CEP95: variants seen among roughly 807,000 people sequenced by gnomAD.
CEP95 encodes the protein centrosomal protein 95.
Under a neutral mutation model 111.2 loss-of-function variants are expected in CEP95, and 98 were observed. The ratio of observed to expected loss-of-function variants is 0.88; its 90% confidence interval spans 0.75 to 1.04. The LOEUF (loss-of-function observed/expected upper bound fraction) is 1.04. Among genes scored for constraint, CEP95 ranks in the 50% least tolerant of loss-of-function variants. The pLI is 0.00. For synonymous variants in CEP95, 323 were observed against 327.1 expected, an observed-to-expected ratio of 0.99 and a Z score of 0.14; for missense variants, 1,027 against 977.2, an observed-to-expected ratio of 1.05 and a Z score of -0.68.
intron 16 of CEP95, chr17:64,533,950 G>A (rs1206295792): frequency 6.6e-6 from 1 of 152,288 alleles, no homozygotes; most frequent in Admixed American, 6.5e-5. Flanking sequence ...ATTGTGCTTA[G>A]AGAATTACGA....
At chr17:64,527,907 C>CAT (rs1261294159) in intron 11 of CEP95, among the ~76,000 whole-genome samples, 1 of 149,600 alleles carries the variant, frequency 6.7e-6, no homozygotes, top group African/African-American at 2.5e-5. Context: ...CACACACACA[C>CAT]GCGTGTAGCA....
chr17:64,510,161 T>TCC lies in CEP95; in HGVS notation c.149-12_149-11insCC, dbSNP rs200350277. Reference sequence around the variant, plus strand: ...CATGGATACAAAATTATGTGATTTTTTCCCCCCCCAGACCTCATAGTTATT... The same window carrying TCC: ...CATGGATACAAAATTATGTGATTTTTCCTCCCCCCCCAGACCTCATAGTTATT... On this transcript the variant is annotated splice_polypyrimidine_tract_variant and intron_variant, in intron 2 of 19. Coordinates refer to ENST00000556440, the MANE Select transcript of CEP95 (RefSeq NM_138363.3). The TCC allele has an allele frequency of 1.3e-6, 2 of 1,524,780 alleles. No individual in the cohort carries two copies. Among genetic ancestry groups the TCC allele is most frequent in the African/African-American group, 2.8e-5 (2 of 71,664 alleles). The allele number at this position is 1,524,780 out of a possible 1,614,324, so 94.5% of individuals were successfully genotyped here.
chr17:64,522,478 C>CT (rs1418661544), intron 7 of CEP95, among the ~76,000 whole-genome samples: 3 of 151,106 alleles, frequency 2.0e-5, no homozygotes, highest in Non-Finnish European at 4.4e-5. Flanking sequence ...CTCATCTCTA[C>CT]TTTTTTTAAA....
At chr17:64,507,697 T>C in intron 1 of CEP95, 1 of 986,144 alleles carries the variant, frequency 1.0e-6, no homozygotes, top group Non-Finnish European at 1.2e-6. Context: ...CCAGTTGTCA[T>C]GGTTTGGCCA....
chr17:64,515,526 G>C (rs2039095489), intron 4 of CEP95, among the ~76,000 whole-genome samples: 1 of 152,196 alleles, frequency 6.6e-6, no homozygotes, highest in Admixed American at 6.5e-5. Context: ...TGATATGGCA[G>C]TGGGGATGAA....
At chr17:64,521,158 AC>A (rs1431338669) in intron 6 of CEP95, among the ~76,000 whole-genome samples, 3 of 152,072 alleles carry the variant, frequency 2.0e-5, no homozygotes, top group Non-Finnish European at 4.4e-5. Flanking sequence ...AATTGCTTGA[AC>A]CTGGAAGGTG....
chr17:64,533,142 A>C lies in CEP95; in HGVS notation c.1868A>C (p.Asp623Ala). 2 of 1,602,108 alleles carry C rather than the reference A, an allele frequency of 1.2e-6. No homozygotes were observed. The highest frequency in any genetic ancestry group is 1.7e-6 in the Non-Finnish European group (2 of 1,176,904). ...DEIEEALRRH[D>A]LLTTLVKKEY... ...ATAGAAGAAGCCCTAAGAAGGCATG[A>C]CCTCCTTACTACCCTTGTCAAGAAA... Residue 623 changes from aspartate to alanine, a missense_variant, in exon 16 of 20, where the codon GAC (aspartate) becomes GCC (alanine). Transcript: ENST00000556440.
At chr17:64,508,401 A>C in intron 1 of CEP95, 191 bp from the exon 2 acceptor site, 1 of 984,378 alleles carries the variant, frequency 1.0e-6, no homozygotes, top group African/African-American at 1.7e-5. Context: ...AATCATCCCA[A>C]GAAATTAAAT....
chr17:64,510,169 C>CG lies in CEP95; in HGVS notation c.149-4_149-3insG, dbSNP rs1373004466. On this transcript the variant is annotated splice_region_variant and splice_polypyrimidine_tract_variant and intron_variant, in intron 2 of 19. Coordinates refer to ENST00000556440, the MANE Select transcript of CEP95 (RefSeq NM_138363.3). ...CAAAATTATGTGATTTTTTCCCCCC[C>CG]CAGACCTCATAGTTATTCCTAGGAG... The CG allele has an allele frequency of 2.3e-5, 37 of 1,575,158 alleles. No homozygotes were observed. The highest frequency in any genetic ancestry group is 3.0e-5 in the Non-Finnish European group (35 of 1,148,796).
chr17:64,519,548 G>C, intron 6 of CEP95, 112 bp downstream of exon 6: 1 of 733,246 alleles, frequency 1.4e-6, no homozygotes, highest in African/African-American at 1.7e-5. Context: ...ACTGGACATG[G>C]GATTTGAAAT....
upstream of CEP95, chr17:64,506,833 T>C (rs1033381236): frequency 1.7e-6 from 1 of 595,564 alleles, no homozygotes; most frequent in Non-Finnish European, 3.0e-6. Flanking sequence ...TGTCTGATAA[T>C]CCTTTGACGG....
chr17:64,509,921 G>A (rs1387004287), intron 2 of CEP95, among the ~76,000 whole-genome samples: 2 of 151,004 alleles, frequency 1.3e-5, no homozygotes, highest in African/African-American at 4.9e-5. Flanking sequence ...ATATATATAT[G>A]GTGTAATAAA....
At chr17:64,519,142 T>TTA (rs761868571) in intron 5 of CEP95, among the ~76,000 whole-genome samples, 179 bp from the exon 6 acceptor site, 178 of 152,356 alleles carry the variant, frequency 1.2e-3, no homozygotes, top group Non-Finnish European at 2.2e-3. Flanking sequence ...CGTTGACACT[T>TTA]TATATACAGC....
intron 3 of CEP95, 71 bp downstream of exon 3, chr17:64,510,351 T>G: frequency 1.0e-6 from 1 of 972,588 alleles, no homozygotes; most frequent in Non-Finnish European, 1.6e-6. Context: ...GTAGACATTG[T>G]TTACTTAACC....
chr17:64,512,607 T>C (rs1322896050), intron 3 of CEP95, among the ~76,000 whole-genome samples: 5 of 152,242 alleles, frequency 3.3e-5, no homozygotes, highest in African/African-American at 1.2e-4. Context: ...ACTGTTGATT[T>C]ATTCTTTGAT....
rs782125861 is a variant in CEP95, at chr17:64,533,198, C to G, written c.1917+7C>G. ...TGAACATAACAAGAGACTGGTATGTCAAGAGCAAGTTGGGTATTATAATTC... is the reference window on the plus strand; with the variant it reads ...TGAACATAACAAGAGACTGGTATGTGAAGAGCAAGTTGGGTATTATAATTC... On this transcript the variant is annotated splice_region_variant and intron_variant, in intron 16 of 19. Transcript: ENST00000556440. 1.9e-6 allele frequency: 3 copies of G among 1,574,218 alleles called. No individual in the cohort carries two copies. The highest frequency in any genetic ancestry group is 1.2e-5 in the South Asian group (1 of 85,006).
chr17:64,507,281 C>T (rs2038600647), intron 1 of CEP95, 165 bp downstream of exon 1: 1 of 1,475,454 alleles, frequency 6.8e-7, no homozygotes, highest in Non-Finnish European at 9.0e-7. Context: ...AGCTTCACCA[C>T]CTCTTCGCTT....
At position 64,537,061 on chromosome 17, in the gene CEP95, CATATCACA is replaced by C; in HGVS notation, c.2239_2246del (p.Ile747GlyfsTer6). On this transcript the variant is annotated frameshift_variant, in exon 19 of 20. Coordinates refer to ENST00000556440, the MANE Select transcript of CEP95 (RefSeq NM_138363.3). LOFTEE classifies it high-confidence loss of function. ...AACAGTTTTCATTGCTGGCAGAAGC[CATATCACA>C]GGAACATCAAGAACTTAAAGCCAGA... 1.2e-6 allele frequency: 2 copies of C among 1,612,670 alleles called. No homozygotes were observed. The highest frequency in any genetic ancestry group is 1.7e-6 in the Non-Finnish European group (2 of 1,179,294).
At position 64,533,127 on chromosome 17, in the gene CEP95, C is replaced by T. The variant is rs782560775; in HGVS notation, c.1853C>T (p.Ala618Val). 6.2e-6 allele frequency: 10 copies of T among 1,604,370 alleles called. No homozygotes were observed. The South Asian group carries it at 9.0e-5, about 14-fold the overall frequency. ...ATGTCCCCCTTCAAGATAGAAGAAG[C>T]CCTAAGAAGGCATGACCTCCTTACT... Reference protein sequence around the residue: ...KKKLQDEIEEALRRHDLLTTL... With the variant: ...KKKLQDEIEEVLRRHDLLTTL... Residue 618 changes from alanine (A) to valine (V), a missense_variant, in exon 16 of 20, where the codon GCC becomes GTC. By Grantham distance (64) the Ala-to-Val change is moderately conservative. Transcript: ENST00000556440.
Sources: allele counts gnomAD v4.1 joint callset (sites outside exome capture counted in the v4.1 genomes callset), GRCh38; gene constraint gnomAD v4.1.1; transcripts MANE v1.5; gene names NCBI Gene and HGNC (gene_info 2026-07-23, HGNC 2026-07-21).